The following PGR variants were observed in gnomAD, a reference collection of about 807,000 sequenced individuals.
The protein encoded by PGR is nuclear receptor subfamily 3 group C member 3.
In PGR, 25 loss-of-function variants were observed where a neutral mutation model predicts 76.1. The ratio of observed to expected loss-of-function variants is 0.33; its 90% CI spans 0.24 to 0.46. The LOEUF (loss-of-function observed/expected upper bound fraction) is 0.46, where lower values mean the gene tolerates loss of function less well. Ranked by LOEUF, PGR falls within the 20% of genes least tolerant of loss-of-function variation. PGR has a pLI of 1.00. For synonymous variants in PGR, 579 were observed against 535.0 expected (o/e 1.08, Z -1.14); for missense variants, 1,172 against 1,225.3 (o/e 0.96, Z 0.65).
chr11:101,058,142 A>G (rs1860358395), intron 4 of PGR, among the ~76,000 whole-genome samples: 1 of 152,194 alleles, frequency 6.6e-6, no homozygotes, highest in Non-Finnish European at 1.5e-5. Flanking sequence ...AGCAAGAAAT[A>G]GTTACTTTGC....
chr11:101,042,138 T>C (rs201374506), intron 6 of PGR, 36 bp from the exon 7 acceptor site: 50 of 1,602,380 alleles, frequency 3.1e-5, no homozygotes, highest in Admixed American at 1.0e-4. Context: ...CAGTTGTGTA[T>C]AAAAAGATGA....
rs12786927 is a variant in PGR at position 101,056,937 on chromosome 11, T to G, written c.2213-5369A>C. Among the ~76,000 whole-genome samples, 162 of 152,330 alleles carry G rather than the reference T, an allele frequency of 1.1e-3. 1 individual carries two copies. Among genetic ancestry groups the G allele is most frequent in the Non-Finnish European group, 1.8e-3 (123 of 68,030 alleles). On this transcript the variant is annotated intron_variant, in intron 4 of 7. Coordinates refer to ENST00000325455, the MANE Select transcript of PGR (RefSeq NM_000926.4). Reference sequence around the variant, plus strand: ...TGCTGAATAAGAAGTTAATGTCTAATAATCTAAGGTAGTACAGTTCTTTGC... The same window carrying G: ...TGCTGAATAAGAAGTTAATGTCTAAGAATCTAAGGTAGTACAGTTCTTTGC...
In PGR at chr11:101,036,975, G is replaced by GT. The variant is rs925854959; in HGVS notation, c.*2140dup. The GT allele has an allele frequency of 1.4e-4, 28 of 199,628 alleles. No individual in the cohort carries two copies. Among genetic ancestry groups the GT allele is most frequent in the African/African-American group, 1.8e-4 (8 of 43,362 alleles). The allele number at this position is 199,628 out of a possible 1,614,324, so 12.4% of individuals were successfully genotyped here. A position where few individuals can be genotyped will look rare whatever the true frequency, so the allele number is the denominator to read the frequency against. On this transcript the variant is annotated 3_prime_UTR_variant, in exon 8 of 8. Coordinates refer to ENST00000325455, the MANE Select transcript of PGR (RefSeq NM_000926.4). Reference sequence around the variant, plus strand: ...AATAATATTGTTTTTGTTTCTTGGGGTTTTTTTTGGATAGACCTACATTCA... The same window carrying GT: ...AATAATATTGTTTTTGTTTCTTGGGGTTTTTTTTTGGATAGACCTACATTCA...
intron 2 of PGR, among the ~76,000 whole-genome samples, chr11:101,116,178 C>T (rs1345668156): frequency 6.6e-6 from 1 of 152,176 alleles, no homozygotes; most frequent in East Asian, 1.9e-4. Flanking sequence ...AATTGTGGGC[C>T]TGTGTCCATT....
intron 3 of PGR, among the ~76,000 whole-genome samples, chr11:101,073,398 C>T (rs1861014011): frequency 1.3e-5 from 2 of 151,928 alleles, no homozygotes; most frequent in African/African-American, 4.8e-5. Context: ...AATTGACACG[C>T]TAATATCACA....
chr11:101,074,411 C>A (rs558699496), intron 3 of PGR, among the ~76,000 whole-genome samples: 1 of 152,014 alleles, frequency 6.6e-6, no homozygotes, highest in Non-Finnish European at 1.5e-5. Context: ...CTTTGAAAAC[C>A]AGCACAAGAC....
Position 101,128,744 on chromosome 11 carries a change from T to C in PGR, c.327A>G (p.Gly109=). 6.2e-7 allele frequency: 1 copy of C among 1,613,544 alleles called. No individual in the cohort carries two copies. The highest frequency in any genetic ancestry group is 1.1e-5 in the South Asian group (1 of 91,028). Residue 109 remains glycine, a synonymous_variant, in exon 1 of 8, where the codon GGA becomes GGG. Transcript: ENST00000325455. ...SSSSPPEKDS[G]LLDSVLDTLL... ...GAGTGTCCAAGACACTGTCCAGCAG[T>C]CCGCTGTCCTTTTCTGGGGGACTAG...
chr11:101,110,549 G>C (rs568236642), intron 2 of PGR, among the ~76,000 whole-genome samples: 5 of 152,186 alleles, frequency 3.3e-5, no homozygotes, highest in Non-Finnish European at 5.9e-5. Flanking sequence ...CTTGTCTCAT[G>C]GATGAGCAAA....
chr11:101,089,047 G>C (rs1426252308), intron 3 of PGR, among the ~76,000 whole-genome samples: 3 of 152,136 alleles, frequency 2.0e-5, no homozygotes, highest in East Asian at 1.9e-4. Context: ...AAGAAGAAAG[G>C]GTTGAAAAAC....
At chr11:101,086,157 A>G (rs1861493782) in intron 3 of PGR, among the ~76,000 whole-genome samples, 1 of 152,164 alleles carries the variant, frequency 6.6e-6, no homozygotes, top group Non-Finnish European at 1.5e-5. Flanking sequence ...AAGGAAAACT[A>G]TAGGACAATA....
At chr11:101,057,973 G>T (rs1419133400) in intron 4 of PGR, among the ~76,000 whole-genome samples, 2 of 152,158 alleles carry the variant, frequency 1.3e-5, no homozygotes, top group Non-Finnish European at 2.9e-5. Flanking sequence ...TATGCAGACT[G>T]TGTAGAGTGA....
intron 2 of PGR, among the ~76,000 whole-genome samples, chr11:101,125,045 A>G (rs974056600): frequency 6.6e-6 from 1 of 152,088 alleles, no homozygotes; most frequent in Non-Finnish European, 1.5e-5. Flanking sequence ...TCCTCAGAAC[A>G]GGAAACAAAA....
intron 2 of PGR, among the ~76,000 whole-genome samples, chr11:101,106,981 A>G (rs1862182444): frequency 6.6e-6 from 1 of 152,142 alleles, no homozygotes; most frequent in African/African-American, 2.4e-5. Context: ...CAAACACCGC[A>G]TTGTCTCACT....
At chr11:101,067,196 T>C (rs527790520) in intron 3 of PGR, among the ~76,000 whole-genome samples, 1 of 152,164 alleles carries the variant, frequency 6.6e-6, no homozygotes, top group Non-Finnish European at 1.5e-5. Context: ...CCTTGGATAT[T>C]TGCATGGCTT....
intron 2 of PGR, among the ~76,000 whole-genome samples, chr11:101,122,070 G>T (rs1043214183): frequency 1.3e-5 from 2 of 148,476 alleles, no homozygotes; most frequent in Admixed American, 6.9e-5. Context: ...CAGGAGAATG[G>T]CATGAACCCG....
At chr11:101,039,410 T>A (rs943721381) in intron 7 of PGR, 139 bp from the exon 8 acceptor site, 45 of 663,272 alleles carry the variant, frequency 6.8e-5, no homozygotes, top group South Asian at 4.9e-4. Context: ...ATAGTGAAAA[T>A]AACTCCCACC....
At position 101,031,660 on chromosome 11, in the gene PGR, T is replaced by C. The variant is rs1393220361; in HGVS notation, c.*7456A>G. ...TTGATAATGGCATCTGATTATTTGA[T>C]CATGACATCATTATTTGTATACAAT... is the stretch of plus-strand genomic sequence containing the variant. On this transcript the variant is annotated 3_prime_UTR_variant, in exon 8 of 8. Coordinates refer to ENST00000325455, the MANE Select transcript of PGR (RefSeq NM_000926.4). 9.1e-6 allele frequency: 2 copies of C among 219,764 alleles called. No individual in the cohort carries two copies. The highest frequency in any genetic ancestry group is 4.5e-5 in the African/African-American group (2 of 44,484). 13.6% of individuals were successfully genotyped at this position (219,764 alleles called of 1,614,324 possible). A position where few individuals can be genotyped will look rare whatever the true frequency, so the allele number is the denominator to read the frequency against.
intron 3 of PGR, among the ~76,000 whole-genome samples, chr11:101,070,836 A>C (rs1860907672): frequency 6.6e-6 from 1 of 152,128 alleles, no homozygotes. Context: ...GGGCTTATAC[A>C]TAAAACTCCC....
chr11:101,056,716 TA>T (rs1379267677), intron 4 of PGR, among the ~76,000 whole-genome samples: 1 of 151,438 alleles, frequency 6.6e-6, no homozygotes. Context: ...AGAGTTTTGA[TA>T]AAATATGTAG....
Sources: allele counts gnomAD v4.1 joint callset (sites outside exome capture counted in the v4.1 genomes callset), GRCh38; gene constraint gnomAD v4.1.1; transcripts MANE v1.5; gene names NCBI Gene and HGNC (gene_info 2026-07-23, HGNC 2026-07-21).